The following MTMR14 variants were observed in gnomAD, a reference collection of about 807,000 sequenced individuals.
MTMR14 encodes the protein myotubularin related protein 14.
A neutral mutation model predicts 86.3 loss-of-function variants in MTMR14; 48 were observed. That is an observed-to-expected ratio of 0.56 (90% CI 0.44 to 0.71). The LOEUF is 0.71. Among genes scored for constraint, MTMR14 ranks in the 30% least tolerant of loss-of-function variants. The pLI, the probability that MTMR14 is intolerant of heterozygous loss-of-function variation, is 0.00. For synonymous variants in MTMR14, 366 were observed against 326.1 expected, an observed-to-expected ratio of 1.12 and a Z score of -1.32; for missense variants, 780 against 834.6, an observed-to-expected ratio of 0.93 and a Z score of 0.81.
intron 1 of MTMR14, among the ~76,000 whole-genome samples, chr3:9,650,750 A>G (rs181810127): frequency 2.4e-4 from 36 of 151,050 alleles, no homozygotes; most frequent in Admixed American, 2.2e-3. Context: ...AGTCCTACCA[A>G]GTCAGAATTT....
At chr3:9,679,438 C>T (rs541615639) in intron 9 of MTMR14, among the ~76,000 whole-genome samples, 1 of 152,306 alleles carries the variant, frequency 6.6e-6, no homozygotes, top group South Asian at 2.1e-4. Flanking sequence ...TCTTTCTGGT[C>T]CCTTCCGGCA....
chr3:9,656,625 G>A (rs540310512), intron 2 of MTMR14, among the ~76,000 whole-genome samples: 16 of 152,150 alleles, frequency 1.1e-4, no homozygotes, highest in African/African-American at 3.6e-4. Flanking sequence ...TTGCCATGAT[G>A]GCCAGGCTAG....
chr3:9,682,939 C>CG lies in MTMR14; in HGVS notation c.898-239_898-238insG, dbSNP rs1315042849. ...ACTCTCACATTGGGTCAGAGCCCCC[C>CG]CCCCGCCCCCGCCCCCCGAGTAGGG... is the stretch of plus-strand genomic sequence containing the variant. On this transcript the variant is annotated intron_variant, in intron 9 of 18. Transcript: ENST00000296003. Among the ~76,000 whole-genome samples, 11 of 151,676 alleles carry CG rather than the reference C, an allele frequency of 7.3e-5. No homozygotes were observed. In the South Asian group the frequency reaches 1.7e-3, roughly 23 times the overall value.
chr3:9,673,681 T>C (rs2048697281), intron 7 of MTMR14, among the ~76,000 whole-genome samples: 1 of 152,164 alleles, frequency 6.6e-6, no homozygotes, highest in Non-Finnish European at 1.5e-5. Flanking sequence ...GTCCTCATCA[T>C]GTGCAAGCTG....
chr3:9,678,865 CAG>C (rs1432017101), intron 9 of MTMR14, among the ~76,000 whole-genome samples: 2 of 152,226 alleles, frequency 1.3e-5, no homozygotes, highest in Non-Finnish European at 2.9e-5. Context: ...TCCTGGAGGA[CAG>C]GGACCCACAG....
chr3:9,691,332 G>A (rs2076133770), intron 17 of MTMR14, among the ~76,000 whole-genome samples: 1 of 152,246 alleles, frequency 6.6e-6, no homozygotes, highest in African/African-American at 2.4e-5. Flanking sequence ...AAGCCCATGT[G>A]CCGGTGCCCC....
intron 17 of MTMR14, among the ~76,000 whole-genome samples, chr3:9,694,761 T>C (rs1307170313): frequency 6.6e-6 from 1 of 152,198 alleles, no homozygotes; most frequent in South Asian, 2.1e-4. Flanking sequence ...TGAGTATTCT[T>C]GTACCCCCTT....
chr3:9,692,585 G>A (rs999921971), intron 17 of MTMR14, among the ~76,000 whole-genome samples: 4 of 152,196 alleles, frequency 2.6e-5, no homozygotes, highest in Admixed American at 6.5e-5. Context: ...GCATGGCCTC[G>A]GCCTCGGCCT....
At chr3:9,667,420 G>A (rs1319907012) in intron 3 of MTMR14, among the ~76,000 whole-genome samples, 3 of 152,124 alleles carry the variant, frequency 2.0e-5, no homozygotes, top group Non-Finnish European at 4.4e-5. Context: ...GGAAATGTAA[G>A]TAGATTATGA....
At chr3:9,654,367 T>C (rs937873379) in intron 2 of MTMR14, among the ~76,000 whole-genome samples, 3 of 152,214 alleles carry the variant, frequency 2.0e-5, no homozygotes, top group African/African-American at 7.2e-5. Context: ...AAGCCTGACA[T>C]GTACGTTGTA....
At chr3:9,683,055 T>C (rs1187106130) in intron 9 of MTMR14, 123 bp from the exon 10 acceptor site, 3 of 764,072 alleles carry the variant, frequency 3.9e-6, no homozygotes, top group Non-Finnish European at 4.3e-6. Flanking sequence ...TCAAAACCTA[T>C]GGTCTGTAAC....
chr3:9,680,896 G>T (rs2075745888), intron 9 of MTMR14, among the ~76,000 whole-genome samples: 1 of 152,212 alleles, frequency 6.6e-6, no homozygotes, highest in Non-Finnish European at 1.5e-5. Flanking sequence ...CGCACGTGCT[G>T]TTTTCTCTGC....
intron 3 of MTMR14, among the ~76,000 whole-genome samples, chr3:9,664,071 G>A (rs1161375334): frequency 5.9e-5 from 9 of 151,552 alleles, no homozygotes; most frequent in Admixed American, 4.6e-4. Flanking sequence ...CTACAGGCGT[G>A]AGCCACCACG....
intron 9 of MTMR14, among the ~76,000 whole-genome samples, chr3:9,679,749 T>G (rs999284285): frequency 1.3e-5 from 2 of 152,164 alleles, no homozygotes; most frequent in Non-Finnish European, 2.9e-5. Context: ...TGAAAGGGAC[T>G]CCTGAACTGA....
chr3:9,700,604 G>A (rs2076424220), intron 18 of MTMR14: 1 of 152,220 alleles, frequency 6.6e-6, no homozygotes, highest in Non-Finnish European at 1.5e-5. Flanking sequence ...AGAGGAATGG[G>A]GAATAGAATC....
chr3:9,659,538 G>A (rs1056190576), intron 2 of MTMR14: 1 of 358,838 alleles, frequency 2.8e-6, no homozygotes, highest in South Asian at 2.1e-5. Flanking sequence ...CCGCCTCCTG[G>A]GTTCAAGCAA....
At chr3:9,698,579 A>ATACC (rs2076354568) in intron 18 of MTMR14, among the ~76,000 whole-genome samples, 2 of 152,216 alleles carry the variant, frequency 1.3e-5, no homozygotes, top group African/African-American at 4.8e-5. Flanking sequence ...GGGCTGGATG[A>ATACC]ATGGCACATG....
intron 17 of MTMR14, among the ~76,000 whole-genome samples, chr3:9,693,837 C>T (rs1001264334): frequency 6.6e-6 from 1 of 152,154 alleles, no homozygotes; most frequent in Non-Finnish European, 1.5e-5. Flanking sequence ...AACCAATTCC[C>T]TGCAACAAAA....
intron 1 of MTMR14, chr3:9,650,298 CTT>C: frequency 2.2e-6 from 1 of 456,658 alleles, no homozygotes; most frequent in Non-Finnish European, 4.4e-6. Context: ...CTCCGTTCCT[CTT>C]TTTGCTCCCT....
Sources: allele counts gnomAD v4.1 joint callset (sites outside exome capture counted in the v4.1 genomes callset), GRCh38; gene constraint gnomAD v4.1.1; transcripts MANE v1.5; gene names NCBI Gene and HGNC (gene_info 2026-07-23, HGNC 2026-07-21).